Variants in GRM7 observed in about 807,000 individuals in gnomAD.
The protein encoded by GRM7 is glutamate metabotropic receptor 7.
GRM7 carries 35 observed loss-of-function variants against 84.5 expected under a neutral mutation model. The observed-to-expected ratio is 0.41, with a 90% CI of 0.32 to 0.55. GRM7 has a LOEUF of 0.55. Among genes scored for constraint, GRM7 ranks in the 20% least tolerant of loss-of-function variants. GRM7 has a pLI of 0.19. For missense variants in GRM7, 1,003 were observed against 1,194.6 expected, an observed-to-expected ratio of 0.84 and a Z score of 2.36; for synonymous variants, 487 against 455.1, an observed-to-expected ratio of 1.07 and a Z score of -0.89.
intron 1 of GRM7, among the ~76,000 whole-genome samples, chr3:6,894,566 T>C (rs901848616): frequency 1.3e-5 from 2 of 152,132 alleles, no homozygotes; most frequent in Middle Eastern, 3.2e-3. Flanking sequence ...TGTATATATA[T>C]ACATATGTGT....
intron 9 of GRM7, chr3:7,686,580 T>G: frequency 1.7e-6 from 1 of 594,664 alleles, no homozygotes; most frequent in Non-Finnish European, 3.1e-6. Flanking sequence ...TCAAAGATGA[T>G]CGATTTGATA....
intron 1 of GRM7, among the ~76,000 whole-genome samples, chr3:7,005,962 A>G (rs1695169792): frequency 6.6e-6 from 1 of 152,130 alleles, no homozygotes. Context: ...ATCCCTACTC[A>G]GGTAACGAAG....
intron 2 of GRM7, among the ~76,000 whole-genome samples, chr3:7,208,589 A>G (rs1333320313): frequency 6.6e-6 from 1 of 152,174 alleles, no homozygotes; most frequent in Non-Finnish European, 1.5e-5. Context: ...GGGCCTATAT[A>G]TACCCAGCAC....
At chr3:7,050,122 G>A (rs1359555362) in intron 1 of GRM7, among the ~76,000 whole-genome samples, 1 of 151,892 alleles carries the variant, frequency 6.6e-6, no homozygotes, top group Non-Finnish European at 1.5e-5. Context: ...TCTGTGGAAA[G>A]TCACATGTTC....
intron 1 of GRM7, among the ~76,000 whole-genome samples, chr3:7,082,610 C>G (rs73112900): frequency 6.6e-6 from 1 of 151,932 alleles, no homozygotes; most frequent in African/African-American, 2.4e-5. Flanking sequence ...AAAGCTATAG[C>G]TGCCATAGAT....
intron 7 of GRM7, among the ~76,000 whole-genome samples, chr3:7,573,971 A>G (rs1172136729): frequency 6.6e-6 from 1 of 152,232 alleles, no homozygotes; most frequent in Non-Finnish European, 1.5e-5. Context: ...GTTAGCCATT[A>G]AAGACAGTTT....
intron 2 of GRM7, among the ~76,000 whole-genome samples, chr3:7,201,222 G>A (rs1696060060): frequency 6.6e-6 from 1 of 151,926 alleles, no homozygotes; most frequent in Admixed American, 6.6e-5. Context: ...GCCCGCCTCG[G>A]CCTCCCAAAC....
chr3:7,696,643 T>C (rs1701031532), intron 9 of GRM7, among the ~76,000 whole-genome samples: 1 of 152,198 alleles, frequency 6.6e-6, no homozygotes, highest in South Asian at 2.1e-4. Flanking sequence ...GGTTGTCAGC[T>C]GGAAAATTCT....
intron 1 of GRM7, among the ~76,000 whole-genome samples, chr3:6,945,559 A>G (rs1391395985): frequency 5.3e-5 from 8 of 152,060 alleles, no homozygotes; most frequent in African/African-American, 1.2e-4. Flanking sequence ...ATGATTTATA[A>G]TCCTTTGGGT....
intron 9 of GRM7, among the ~76,000 whole-genome samples, chr3:7,729,766 C>T (rs1272449628): frequency 5.3e-5 from 8 of 151,430 alleles, no homozygotes; most frequent in South Asian, 2.1e-4. Flanking sequence ...AGTGCAATGG[C>T]GCAATCTCGG....
chr3:7,086,408 G>T (rs1245825210), intron 1 of GRM7, among the ~76,000 whole-genome samples: 1 of 152,062 alleles, frequency 6.6e-6, no homozygotes, highest in Non-Finnish European at 1.5e-5. Flanking sequence ...TAAACCACAG[G>T]TCAGTCAAGC....
chr3:7,649,384 A>G (rs1280766869), intron 8 of GRM7, among the ~76,000 whole-genome samples: 1 of 152,154 alleles, frequency 6.6e-6, no homozygotes, highest in East Asian at 1.9e-4. Context: ...CACCGCGCCC[A>G]GCCGAAATTC....
intron 4 of GRM7, among the ~76,000 whole-genome samples, chr3:7,329,986 T>C (rs746910276): frequency 6.6e-6 from 1 of 152,122 alleles, no homozygotes; most frequent in Non-Finnish European, 1.5e-5. Flanking sequence ...AGTCACTCAA[T>C]AGTATGATTT....
chr3:7,378,831 C>A (rs1694466915), intron 4 of GRM7, among the ~76,000 whole-genome samples: 1 of 152,094 alleles, frequency 6.6e-6, no homozygotes, highest in African/African-American at 2.4e-5. Context: ...TTAAAATTTT[C>A]TTTAAGCGTT....
intron 1 of GRM7, among the ~76,000 whole-genome samples, chr3:6,886,165 A>G (rs946481777): frequency 3.9e-5 from 6 of 152,068 alleles, no homozygotes; most frequent in African/African-American, 1.4e-4. Flanking sequence ...GCAAATTTCA[A>G]GTAACCAGTG....
At chr3:7,591,816 G>C (rs1695794880) in intron 8 of GRM7, among the ~76,000 whole-genome samples, 1 of 152,066 alleles carries the variant, frequency 6.6e-6, no homozygotes, top group Admixed American at 6.5e-5. Flanking sequence ...CATTTACAGA[G>C]TAGAAAATAG....
chr3:6,885,271 C>G (rs1574968178), intron 1 of GRM7, among the ~76,000 whole-genome samples: 1 of 152,142 alleles, frequency 6.6e-6, no homozygotes, highest in Admixed American at 6.6e-5. Context: ...CAGGGCTACC[C>G]CCTAGGCAGC....
intron 2 of GRM7, among the ~76,000 whole-genome samples, chr3:7,233,962 C>T (rs1237629443): frequency 6.6e-6 from 1 of 152,066 alleles, no homozygotes; most frequent in Non-Finnish European, 1.5e-5. Flanking sequence ...CGGTTCAAGG[C>T]ATTTTTAAAT....
Position 7,371,183 on chromosome 3 carries a change from C to G in GRM7, c.1034-43840C>G, listed in dbSNP as rs59450541. 7.5e-3 allele frequency among the ~76,000 whole-genome samples: 1,143 copies of G among 152,188 alleles called. 12 individuals are homozygous for G. The highest frequency in any genetic ancestry group is 0.026 in the African/African-American group (1,085 of 41,534). On this transcript the variant is annotated intron_variant, in intron 4 of 9. Coordinates refer to ENST00000357716, the MANE Select transcript of GRM7 (RefSeq NM_000844.4). ...ATTTTAAAAAAACATAGATTGCAGA[C>G]CACAATAGAGTGACGTAGAAGAAAA... is the stretch of plus-strand genomic sequence containing the variant.
Sources: allele counts gnomAD v4.1 joint callset (sites outside exome capture counted in the v4.1 genomes callset), GRCh38; gene constraint gnomAD v4.1.1; transcripts MANE v1.5; gene names NCBI Gene and HGNC (gene_info 2026-07-23, HGNC 2026-07-21).